BARX2: variants seen among roughly 807,000 people sequenced by gnomAD.
BARX2 encodes homeobox protein BarH-like 2.
A neutral mutation model predicts 25.5 loss-of-function variants in BARX2; 11 were observed. The observed-to-expected ratio is 0.43, with a 90% CI of 0.27 to 0.71. BARX2 has a LOEUF of 0.71. Ranked by LOEUF, BARX2 falls within the 30% of genes least tolerant of loss-of-function variation. The probability of loss-of-function intolerance (pLI) is 0.19; values close to 1 mark genes in which losing one functional copy is unlikely to be tolerated. For missense variants in BARX2, 360 were observed against 359.9 expected (o/e 1.00, Z 0.00); for synonymous variants, 137 against 149.5 (o/e 0.92, Z 0.61).
intron 1 of BARX2, among the ~76,000 whole-genome samples, chr11:129,413,191 C>T (rs550048851): frequency 3.0e-4 from 45 of 152,296 alleles, no homozygotes; most frequent in Non-Finnish European, 5.4e-4. Context: ...ATCTTATTCT[C>T]GTAATATATT....
At chr11:129,411,649 C>G (rs544827059) in intron 1 of BARX2, among the ~76,000 whole-genome samples, 152 of 152,334 alleles carry the variant, frequency 1.0e-3, no homozygotes, top group African/African-American at 3.5e-3. Flanking sequence ...CTGCAACTTG[C>G]CAATTAGCAA....
rs1160629550 is a variant in BARX2 at position 129,451,838 on chromosome 11, C to G, written c.*436C>G. Reference sequence around the variant, plus strand: ...ATGCCCAGGTTCCTTGCTGACTCAGCACTTATTTCTGTAGTTTTAAAAAAG... The same window carrying G: ...ATGCCCAGGTTCCTTGCTGACTCAGGACTTATTTCTGTAGTTTTAAAAAAG... On this transcript the variant is annotated 3_prime_UTR_variant, in exon 4 of 4. Coordinates refer to ENST00000281437, the MANE Select transcript of BARX2 (RefSeq NM_003658.5). 6.5e-6 allele frequency: 1 copy of G among 153,596 alleles called. No individual in the cohort carries two copies. The highest frequency in any genetic ancestry group is 2.5e-5 in the African/African-American group (1 of 39,844). The allele number at this position is 153,596 out of a possible 1,614,324, so 9.5% of individuals were successfully genotyped here. A position where few individuals can be genotyped will look rare whatever the true frequency, so the allele number is the denominator to read the frequency against.
intron 3 of BARX2, among the ~76,000 whole-genome samples, chr11:129,444,643 C>T (rs914379554): frequency 2.0e-5 from 3 of 152,102 alleles, no homozygotes; most frequent in Admixed American, 6.6e-5. Context: ...CTGGTTGTTA[C>T]GGATTTATAA....
At chr11:129,421,409 A>C (rs765945627) in intron 1 of BARX2, among the ~76,000 whole-genome samples, 10 of 152,336 alleles carry the variant, frequency 6.6e-5, no homozygotes, top group Middle Eastern at 6.8e-3. Flanking sequence ...TTTCCTCCTT[A>C]CTTCAACAGG....
In BARX2 at chr11:129,390,485, A is replaced by G. The variant is rs996636417; in HGVS notation, c.187+14263A>G. On this transcript the variant is annotated intron_variant, in intron 1 of 3. Transcript: ENST00000281437. The surrounding 1 kb of genome is among the most constrained non-coding windows in gnomAD (Gnocchi z 4.3). ...GTGGATTCAGAAAAACAAAATGCAT[A>G]TGTTTGTGTTCCAGTAGGAGGGGAG... 6.6e-6 allele frequency among the ~76,000 whole-genome samples: 1 copy of G among 152,004 alleles called. No homozygotes were observed. Among genetic ancestry groups the G allele is most frequent in the African/African-American group, 2.4e-5 (1 of 41,376 alleles).
intron 1 of BARX2, among the ~76,000 whole-genome samples, chr11:129,377,761 G>A (rs1349204816): frequency 3.3e-5 from 5 of 152,192 alleles, no homozygotes; most frequent in Admixed American, 3.3e-4. Flanking sequence ...CATTGCGTAT[G>A]GGACATTCCC....
At chr11:129,391,422 G>A (rs930930956) in intron 1 of BARX2, among the ~76,000 whole-genome samples, 6 of 152,138 alleles carry the variant, frequency 3.9e-5, no homozygotes, top group African/African-American at 1.2e-4. Context: ...GACACAGCAT[G>A]GCCCATAAAG....
At chr11:129,395,986 C>A in intron 1 of BARX2, among the ~76,000 whole-genome samples, 1 of 152,158 alleles carries the variant, frequency 6.6e-6, no homozygotes, top group East Asian at 1.9e-4. Context: ...TCTGTTTCTA[C>A]AGCAGAAAGC....
At chr11:129,414,171 C>T (rs1037888846) in intron 1 of BARX2, among the ~76,000 whole-genome samples, 9 of 151,846 alleles carry the variant, frequency 5.9e-5, no homozygotes, top group African/African-American at 2.2e-4. Context: ...TTTTGGAGTT[C>T]AGAATGTATT....
At chr11:129,431,553 T>C (rs1862129968) in intron 1 of BARX2, among the ~76,000 whole-genome samples, 1 of 152,240 alleles carries the variant, frequency 6.6e-6, no homozygotes, top group African/African-American at 2.4e-5. Flanking sequence ...TTAGAATCTT[T>C]TCATGTGCTA....
chr11:129,422,415 C>T (rs191869590), intron 1 of BARX2, among the ~76,000 whole-genome samples: 21 of 152,330 alleles, frequency 1.4e-4, no homozygotes, highest in Admixed American at 1.4e-3. Context: ...CCTCCTGCCT[C>T]AGCCCCCCAA....
intron 1 of BARX2, among the ~76,000 whole-genome samples, chr11:129,426,370 G>T (rs1373833174): frequency 3.4e-5 from 5 of 148,308 alleles, no homozygotes; most frequent in Non-Finnish European, 7.5e-5. Flanking sequence ...TTCCATGCTG[G>T]TTTTTTTTTG....
At chr11:129,415,087 A>C (rs1323467309) in intron 1 of BARX2, among the ~76,000 whole-genome samples, 2 of 148,884 alleles carry the variant, frequency 1.3e-5, no homozygotes, top group Non-Finnish European at 3.0e-5. Context: ...AAAAATTGGA[A>C]TGATCCTCTC....
intron 1 of BARX2, among the ~76,000 whole-genome samples, chr11:129,431,372 T>G (rs1417882674): frequency 6.6e-6 from 1 of 152,220 alleles, no homozygotes; most frequent in Non-Finnish European, 1.5e-5. Context: ...AACTACTAAT[T>G]CTCTTTCCAA....
At chr11:129,381,735 A>C (rs1323867761) in intron 1 of BARX2, among the ~76,000 whole-genome samples, 1 of 152,238 alleles carries the variant, frequency 6.6e-6, no homozygotes, top group Admixed American at 6.5e-5. Context: ...TATCCCAAAA[A>C]TCTATATGAA....
intron 1 of BARX2, among the ~76,000 whole-genome samples, chr11:129,402,814 T>C (rs1699812451): frequency 1.3e-5 from 2 of 152,182 alleles, no homozygotes; most frequent in South Asian, 2.1e-4. Flanking sequence ...GAAGATGCCA[T>C]TGTAGACACA....
chr11:129,451,178 C>T lies in BARX2; in HGVS notation c.616C>T (p.Arg206Cys), dbSNP rs769021373. Residue 206 changes from arginine to cysteine, a missense_variant, in exon 4 of 4, where the codon CGC becomes TGC. By Grantham distance (180) the Arg-to-Cys change is radical. Coordinates refer to ENST00000281437, the MANE Select transcript of BARX2 (RefSeq NM_003658.5). ...GQEAPTKPKG[R>C]PKKNSIPTSE... ...GGAAGCACCCACAAAACCCAAAGGT[C>T]GCCCCAAGAAGAACTCCATCCCCAC... 5 of 1,614,086 alleles carry T rather than the reference C, an allele frequency of 3.1e-6. No homozygotes were observed. Among genetic ancestry groups the T allele is most frequent in the South Asian group, 1.1e-5 (1 of 91,066 alleles).
chr11:129,393,202 T>C (rs993408199), intron 1 of BARX2, among the ~76,000 whole-genome samples: 4 of 152,122 alleles, frequency 2.6e-5, no homozygotes, highest in Non-Finnish European at 4.4e-5. Context: ...ATCACTGCAT[T>C]CCAGCCTAGG....
At chr11:129,417,939 A>T (rs1861962731) in intron 1 of BARX2, among the ~76,000 whole-genome samples, 2 of 152,372 alleles carry the variant, frequency 1.3e-5, no homozygotes, top group South Asian at 4.1e-4. Flanking sequence ...CAGTTTAAAA[A>T]TAGATACTTT....
Sources: gnomAD v4.1 joint callset for allele counts (sites outside exome capture counted in the v4.1 genomes callset) on GRCh38, gnomAD v4.1.1 for gene constraint, Gnocchi (gnomAD v3.1) non-coding constraint, MANE v1.5 for transcripts, NCBI Gene and HGNC (gene_info 2026-07-23, HGNC 2026-07-21) for gene names.